JARID2: variants seen among roughly 807,000 people sequenced by gnomAD.
JARID2 encodes jumonji and AT-rich interaction domain containing 2, also known as protein Jumonji.
JARID2 carries 21 observed loss-of-function variants against 125.6 expected under a neutral mutation model. The ratio of observed to expected loss-of-function variants is 0.17; its 90% confidence interval spans 0.12 to 0.24. The LOEUF (loss-of-function observed/expected upper bound fraction) is 0.24, where lower values mean the gene tolerates loss of function less well. Ranked by LOEUF, JARID2 falls within the 10% of genes least tolerant of loss-of-function variation. The pLI, the probability that JARID2 is intolerant of heterozygous loss-of-function variation, is 1.00. For missense variants in JARID2, 1,303 were observed against 1,639.6 expected (o/e 0.79, Z 3.55); for synonymous variants, 736 against 661.6 (o/e 1.11, Z -1.73).
intron 2 of JARID2, among the ~76,000 whole-genome samples, chr6:15,397,741 A>G (rs1765270905): frequency 6.6e-6 from 1 of 152,230 alleles, no homozygotes; most frequent in Admixed American, 6.5e-5. Flanking sequence ...TTTGCCATTC[A>G]ACTTGTAAAT....
chr6:15,288,240 G>T (rs1311015000), intron 1 of JARID2, among the ~76,000 whole-genome samples: 2 of 152,040 alleles, frequency 1.3e-5, no homozygotes, highest in African/African-American at 2.4e-5. Context: ...GAAGCCTCTG[G>T]GAGTTTTTGC....
chr6:15,433,410 C>CTG (rs57296791), intron 3 of JARID2, among the ~76,000 whole-genome samples: 14,619 of 143,252 alleles, frequency 0.1, 756 homozygotes, highest in Non-Finnish European at 0.12. Flanking sequence ...CCATGTCTCT[C>CTG]TGTGTGTGTG....
intron 3 of JARID2, among the ~76,000 whole-genome samples, chr6:15,424,846 C>G (rs1344990538): frequency 1.3e-5 from 2 of 152,114 alleles, no homozygotes; most frequent in Non-Finnish European, 2.9e-5. Context: ...GCAACAAGAG[C>G]AAAACTCTGT....
intron 4 of JARID2, 27 bp from the exon 5 acceptor site, chr6:15,468,515 T>A: frequency 6.2e-7 from 1 of 1,601,614 alleles, no homozygotes; most frequent in Non-Finnish European, 8.5e-7. Context: ...GGCCTGTGTT[T>A]ATGAGCTGTT....
In JARID2 at chr6:15,446,681, G is replaced by A. The variant is rs144052285; in HGVS notation, c.324-5325G>A. On this transcript the variant is annotated intron_variant, in intron 3 of 17. Coordinates refer to ENST00000341776, the MANE Select transcript of JARID2 (RefSeq NM_004973.4). ...ACTCTATGGGATCAAATCCGTAAAT[G>A]GTCATTCATTTTAACACCTTTTATT... Among the ~76,000 whole-genome samples the A allele has an allele frequency of 3.7e-3, 567 of 152,254 alleles. 1 individual carries two copies. The highest frequency in any genetic ancestry group is 5.9e-3 in the Non-Finnish European group (402 of 68,016).
chr6:15,256,457 A>G (rs1163885229), intron 1 of JARID2, among the ~76,000 whole-genome samples: 1 of 152,218 alleles, frequency 6.6e-6, no homozygotes, highest in Non-Finnish European at 1.5e-5. Context: ...TAAAGAAGAC[A>G]TAGTCCTTGA....
At chr6:15,370,279 G>A (rs891945662) in intron 1 of JARID2, among the ~76,000 whole-genome samples, 5 of 150,676 alleles carry the variant, frequency 3.3e-5, no homozygotes, top group Non-Finnish European at 7.4e-5. Context: ...TGTATTGGGT[G>A]TATGTATTTT....
At chr6:15,302,659 A>C (rs570554123) in intron 1 of JARID2, among the ~76,000 whole-genome samples, 36 of 152,346 alleles carry the variant, frequency 2.4e-4, no homozygotes, top group African/African-American at 8.2e-4. Context: ...AGGATAGCCA[A>C]CCTTAAGGCA....
Position 15,496,273 on chromosome 6 carries a change from A to G in JARID2, c.1048A>G (p.Thr350Ala). The change falls in exon 7 of 18, where the codon ACC (threonine) becomes GCC (alanine). Residue 350 changes from threonine (T) to alanine (A), a missense_variant. Physicochemically the swap from Thr to Ala is moderately conservative, Grantham distance 58. Coordinates refer to ENST00000341776, the MANE Select transcript of JARID2 (RefSeq NM_004973.4). The part of the protein sequence containing the change: ...ATVTKGAVTY[T>A]KAKRELVKDT... ...GGTGACGAAGGGGGCTGTCACATAC[A>G]CCAAAGCCAAGAGAGAACTGGTCAA... 6.2e-7 allele frequency: 1 copy of G among 1,614,110 alleles called. No individual in the cohort carries two copies. The highest frequency in any genetic ancestry group is 1.1e-5 in the South Asian group (1 of 91,082).
chr6:15,334,029 G>T (rs943707068), intron 1 of JARID2, among the ~76,000 whole-genome samples: 5 of 152,110 alleles, frequency 3.3e-5, no homozygotes, highest in African/African-American at 4.8e-5. Flanking sequence ...CTTAGCGTGC[G>T]GAAGTCCATA....
At chr6:15,503,277 A>C (rs1347293501) in intron 8 of JARID2, among the ~76,000 whole-genome samples, 1 of 152,216 alleles carries the variant, frequency 6.6e-6, no homozygotes, top group Non-Finnish European at 1.5e-5. Flanking sequence ...TGCAGAATTC[A>C]GTCCCTCCTT....
chr6:15,497,447 G>T (rs1347545354), intron 7 of JARID2, among the ~76,000 whole-genome samples: 4 of 152,054 alleles, frequency 2.6e-5, no homozygotes, highest in South Asian at 2.1e-4. Flanking sequence ...AGATCATGAG[G>T]TCAGGAGATC....
intron 3 of JARID2, among the ~76,000 whole-genome samples, chr6:15,429,794 G>C (rs1248981783): frequency 1.3e-5 from 2 of 152,130 alleles, no homozygotes; most frequent in Non-Finnish European, 2.9e-5. Context: ...CTGCGAGAGA[G>C]AGAAATGTAC....
rs1377684913 is a variant in JARID2 at position 15,281,330 on chromosome 6, C to G, written c.45+34746C>G. On this transcript the variant is annotated intron_variant, in intron 1 of 17. Transcript: ENST00000341776. ...TTACTGCAGTTTAATTCATGTGATGCTATTAAGATAATAACTTTGTCCAAG... is the reference window on the plus strand; with the variant it reads ...TTACTGCAGTTTAATTCATGTGATGGTATTAAGATAATAACTTTGTCCAAG... Among the ~76,000 whole-genome samples, 3 of 152,332 alleles carry G rather than the reference C, an allele frequency of 2.0e-5. No homozygotes were observed. In the East Asian group the frequency reaches 5.8e-4, roughly 29 times the overall value.
At position 15,279,204 on chromosome 6, in the gene JARID2, G is replaced by C. The variant is rs572547847; in HGVS notation, c.45+32620G>C. ...TTGTTTTCACCACTAAATACAGTGT[G>C]GTTGTGACCCTTAGTTTTGTGTATT... is the stretch of plus-strand genomic sequence containing the variant. On this transcript the variant is annotated intron_variant, in intron 1 of 17. Transcript: ENST00000341776. 5.3e-5 allele frequency among the ~76,000 whole-genome samples: 8 copies of C among 151,346 alleles called. No individual in the cohort carries two copies. The South Asian group carries it at 1.7e-3, about 31-fold the overall frequency.
At chr6:15,414,802 A>G (rs1456579298) in intron 3 of JARID2, among the ~76,000 whole-genome samples, 1 of 151,906 alleles carries the variant, frequency 6.6e-6, no homozygotes, top group African/African-American at 2.4e-5. Context: ...AGTTTATAAC[A>G]TATATTTTTT....
chr6:15,469,214 T>C lies in JARID2; in HGVS notation c.670+496T>C, dbSNP rs1055557426. On this transcript the variant is annotated intron_variant, in intron 5 of 17. Transcript: ENST00000341776. ...AGCTTGAGTATCACAGCAAAGAAACTCATCTTATGTGGATAAGTTGGCTAT... is the reference window on the plus strand; with the variant it reads ...AGCTTGAGTATCACAGCAAAGAAACCCATCTTATGTGGATAAGTTGGCTAT... 7.3e-5 allele frequency among the ~76,000 whole-genome samples: 11 copies of C among 151,364 alleles called. No individual in the cohort carries two copies. The South Asian group carries it at 2.1e-3, about 29-fold the overall frequency.
rs371230800 is a variant in JARID2 at position 15,307,682 on chromosome 6, T to C, written c.45+61098T>C. The stretch of plus-strand genomic sequence containing the variant: ...GATGACTTACCTCTATTGAAAACTT[T>C]GTAGTCTGTGGGGAGAAATTTTGTA... On this transcript the variant is annotated intron_variant, in intron 1 of 17. Transcript: ENST00000341776. Among the ~76,000 whole-genome samples, 100 of 152,326 alleles carry C rather than the reference T, an allele frequency of 6.6e-4. 1 individual carries two copies. In the South Asian group the frequency reaches 0.019, roughly 29 times the overall value.
intron 5 of JARID2, among the ~76,000 whole-genome samples, chr6:15,477,401 CAT>C (rs553656293): frequency 5.5e-4 from 84 of 151,808 alleles, no homozygotes; most frequent in Middle Eastern, 3.4e-3. Context: ...CCCGAGAGAA[CAT>C]GTGATATTCT....
Sources: gnomAD v4.1 joint callset for allele counts (sites outside exome capture counted in the v4.1 genomes callset) on GRCh38, gnomAD v4.1.1 for gene constraint, MANE v1.5 for transcripts, NCBI Gene and HGNC (gene_info 2026-07-23, HGNC 2026-07-21) for gene names.